Variants in LDLRAD3 observed in about 807,000 individuals in gnomAD.
LDLRAD3 encodes low-density lipoprotein receptor class A domain-containing protein 3.
LDLRAD3 carries 20 observed loss-of-function variants against 29.4 expected under a neutral mutation model. That is an observed-to-expected ratio of 0.68 (90% CI 0.48 to 0.99). LDLRAD3 has a LOEUF of 0.99. Among genes scored for constraint, LDLRAD3 ranks in the 50% least tolerant of loss-of-function variants. LDLRAD3 has a pLI of 0.00. For missense variants in LDLRAD3, 420 were observed against 454.3 expected (o/e 0.92, Z 0.69); for synonymous variants, 157 against 192.7 (o/e 0.81, Z 1.53).
At chr11:35,971,392 G>C (rs1851410616) in intron 1 of LDLRAD3, among the ~76,000 whole-genome samples, 1 of 152,130 alleles carries the variant, frequency 6.6e-6, no homozygotes, top group Non-Finnish European at 1.5e-5. Flanking sequence ...ACTGTATTTG[G>C]AGATAGGGCC....
intron 1 of LDLRAD3, among the ~76,000 whole-genome samples, chr11:36,025,774 A>ATTTTTTTTT: frequency 1.2e-5 from 1 of 84,414 alleles, no homozygotes; most frequent in Non-Finnish European, 2.3e-5. Flanking sequence ...CCTGAATTTG[A>ATTTTTTTTT]TTTTTTTTTT....
In LDLRAD3 at chr11:36,228,578, T is replaced by A. The variant is rs139558918; in HGVS notation, c.801-582T>A. Among the ~76,000 whole-genome samples the A allele has an allele frequency of 5.3e-5, 8 of 152,310 alleles. No individual in the cohort carries two copies. The East Asian group carries it at 1.5e-3, about 29-fold the overall frequency. Reference sequence around the variant, plus strand: ...GCATTCTTGTGAGCATTAAATAAGGTAAGGAATGTAAGGGGCATGGCAAAG... The same window carrying A: ...GCATTCTTGTGAGCATTAAATAAGGAAAGGAATGTAAGGGGCATGGCAAAG... On this transcript the variant is annotated intron_variant, in intron 5 of 5. Transcript: ENST00000315571.
At chr11:36,129,764 C>T (rs75173604) in intron 4 of LDLRAD3, among the ~76,000 whole-genome samples, 3,393 of 152,246 alleles carry the variant, frequency 0.022, 122 homozygotes, top group African/African-American at 0.078. Flanking sequence ...TCACCACCCC[C>T]AACACTCTCC....
chr11:36,173,057 G>A (rs951777393), intron 4 of LDLRAD3, among the ~76,000 whole-genome samples: 2 of 151,902 alleles, frequency 1.3e-5, no homozygotes, highest in Admixed American at 1.3e-4. Flanking sequence ...AATCTAGGAG[G>A]GTTGTATATT....
At chr11:35,976,511 G>A (rs1397910188) in intron 1 of LDLRAD3, among the ~76,000 whole-genome samples, 1 of 152,130 alleles carries the variant, frequency 6.6e-6, no homozygotes, top group Non-Finnish European at 1.5e-5. Context: ...ATGGATGAGG[G>A]ATGCTTTCTG....
intron 3 of LDLRAD3, among the ~76,000 whole-genome samples, chr11:36,084,078 C>T (rs1000187158): frequency 6.8e-6 from 1 of 146,952 alleles, no homozygotes; most frequent in Non-Finnish European, 1.5e-5. Flanking sequence ...GCCACCACAC[C>T]CTCCTAATTT....
At chr11:36,044,152 C>T in intron 2 of LDLRAD3, among the ~76,000 whole-genome samples, 1 of 152,070 alleles carries the variant, frequency 6.6e-6, no homozygotes, top group Non-Finnish European at 1.5e-5. Flanking sequence ...ATGACCTGTG[C>T]AGCCCCCGGG....
chr11:36,224,362 T>C (rs1420618929), intron 4 of LDLRAD3, among the ~76,000 whole-genome samples: 1 of 152,064 alleles, frequency 6.6e-6, no homozygotes, highest in Admixed American at 6.6e-5. Context: ...CCCCCAAGGC[T>C]CCTAACTCTA....
intron 4 of LDLRAD3, among the ~76,000 whole-genome samples, chr11:36,217,896 G>C (rs34892666): frequency 0.067 from 10,224 of 152,136 alleles, 451 homozygotes; most frequent in East Asian, 0.2. Context: ...ACTCATCATT[G>C]GATCTAAAGC....
intron 1 of LDLRAD3, among the ~76,000 whole-genome samples, chr11:36,026,025 C>T (rs1363841086): frequency 6.6e-6 from 1 of 151,824 alleles, no homozygotes; most frequent in African/African-American, 2.4e-5. Flanking sequence ...GATGATCTGC[C>T]CGCCTTGGCC....
intron 4 of LDLRAD3, among the ~76,000 whole-genome samples, chr11:36,191,576 C>CTCTCTCTATATA (rs377747518): frequency 1.0e-3 from 56 of 53,382 alleles, no homozygotes; most frequent in Non-Finnish European, 1.3e-3. Context: ...CTCTCTCTCT[C>CTCTCTCTATATA]TATATATATA....
chr11:36,194,627 ATC>A (rs1174710000), intron 4 of LDLRAD3, among the ~76,000 whole-genome samples: 3 of 152,152 alleles, frequency 2.0e-5, no homozygotes, highest in Non-Finnish European at 2.9e-5. Flanking sequence ...GTAATTCACA[ATC>A]TCTGCCAGAA....
chr11:36,009,018 G>A (rs1851921726), intron 1 of LDLRAD3, among the ~76,000 whole-genome samples: 1 of 152,034 alleles, frequency 6.6e-6, no homozygotes, highest in South Asian at 2.1e-4. Flanking sequence ...TGGAGACACG[G>A]CTAGATATCT....
At chr11:36,114,449 C>T (rs1340307470) in intron 4 of LDLRAD3, among the ~76,000 whole-genome samples, 2 of 152,116 alleles carry the variant, frequency 1.3e-5, no homozygotes, top group Non-Finnish European at 2.9e-5. Context: ...TATTGTAAGC[C>T]CATTGTGACC....
intron 2 of LDLRAD3, among the ~76,000 whole-genome samples, chr11:36,042,797 A>C (rs951863756): frequency 1.3e-5 from 2 of 152,202 alleles, no homozygotes; most frequent in East Asian, 3.9e-4. Context: ...TGGAGCAAGA[A>C]GACAGCTGTC....
chr11:36,031,700 G>A (rs548858736), intron 1 of LDLRAD3, among the ~76,000 whole-genome samples: 43 of 152,286 alleles, frequency 2.8e-4, no homozygotes, highest in African/African-American at 8.7e-4. Flanking sequence ...CACTACCAGC[G>A]TGAAAAACGG....
chr11:36,060,960 G>A (rs552370043), intron 2 of LDLRAD3, among the ~76,000 whole-genome samples: 1 of 152,088 alleles, frequency 6.6e-6, no homozygotes, highest in Non-Finnish European at 1.5e-5. Flanking sequence ...TGTGTCCCTG[G>A]ACAGGTTACC....
chr11:36,208,948 T>G (rs1855247005), intron 4 of LDLRAD3, among the ~76,000 whole-genome samples: 1 of 152,236 alleles, frequency 6.6e-6, no homozygotes. Flanking sequence ...AACTTTGCAG[T>G]GAAGAATCCT....
chr11:36,093,571 T>G (rs1372247586), intron 3 of LDLRAD3, among the ~76,000 whole-genome samples: 1 of 152,152 alleles, frequency 6.6e-6, no homozygotes, highest in East Asian at 1.9e-4. Flanking sequence ...ACTTTGCCAG[T>G]CAGGTACCTC....
Sources: gnomAD v4.1 joint callset for allele counts (sites outside exome capture counted in the v4.1 genomes callset) on GRCh38, gnomAD v4.1.1 for gene constraint, MANE v1.5 for transcripts, NCBI Gene and HGNC (gene_info 2026-07-23, HGNC 2026-07-21) for gene names.